RPS6KC1: variants seen among roughly 807,000 people sequenced by gnomAD.
The protein encoded by RPS6KC1 is ribosomal protein S6 kinase C1, also known as inactive ribosomal protein S6 kinase delta-1.
Under a neutral mutation model 103.8 loss-of-function variants are expected in RPS6KC1, and 54 were observed. The ratio of observed to expected loss-of-function variants is 0.52; its 90% CI spans 0.42 to 0.65. The LOEUF (loss-of-function observed/expected upper bound fraction) is 0.65. RPS6KC1 is among the 30% of genes least tolerant of loss of function. The pLI, the probability that RPS6KC1 is intolerant of heterozygous loss-of-function variation, is 0.00. For missense variants in RPS6KC1, 1,151 were observed against 1,253.8 expected, an observed-to-expected ratio of 0.92 and a Z score of 1.24; for synonymous variants, 439 against 438.7, an observed-to-expected ratio of 1.00 and a Z score of -0.01.
At chr1:213,459,506 G>T in the RPS6KC1 span, among the ~76,000 whole-genome samples, 29 of 151,730 alleles carry the variant, frequency 1.9e-4, no homozygotes, top group African/African-American at 6.8e-4. Flanking sequence ...TTTGGCTAGA[G>T]GTCTACTTTG....
At chr1:213,189,904 T>A (rs2092687960) in intron 8 of RPS6KC1, among the ~76,000 whole-genome samples, 1 of 152,192 alleles carries the variant, frequency 6.6e-6, no homozygotes, top group African/African-American at 2.4e-5. Context: ...ACATGCAAAG[T>A]TTGTCTTTTT....
At chr1:213,704,154 G>A in the RPS6KC1 span, among the ~76,000 whole-genome samples, 8 of 151,784 alleles carry the variant, frequency 5.3e-5, no homozygotes, top group African/African-American at 1.5e-4. Flanking sequence ...TTGGGAGGCC[G>A]AGGCGGGCGG....
chr1:213,260,756 CAAAAA>C (rs35685015), intron 12 of RPS6KC1, among the ~76,000 whole-genome samples: 3 of 121,680 alleles, frequency 2.5e-5, no homozygotes, highest in Admixed American at 8.6e-5. Context: ...CTAAAAGCCT[CAAAAA>C]AAAAAAAAAA....
the RPS6KC1 span, among the ~76,000 whole-genome samples, chr1:213,595,908 G>A: frequency 2.6e-5 from 4 of 152,144 alleles, no homozygotes; most frequent in African/African-American, 7.2e-5. Context: ...ATCACTAAAC[G>A]TGGCAGAATG....
chr1:213,758,982 A>G, the RPS6KC1 span, among the ~76,000 whole-genome samples: 1 of 152,222 alleles, frequency 6.6e-6, no homozygotes, highest in African/African-American at 2.4e-5. Flanking sequence ...TCCAATTTTG[A>G]CAGAAGCTCT....
intron 6 of RPS6KC1, among the ~76,000 whole-genome samples, chr1:213,165,480 G>A (rs999092818): frequency 2.0e-5 from 3 of 152,018 alleles, no homozygotes; most frequent in African/African-American, 7.3e-5. Context: ...CTGGAGTGCA[G>A]TGGCGCTATC....
chr1:213,851,930 G>A, the RPS6KC1 span, among the ~76,000 whole-genome samples: 22 of 152,192 alleles, frequency 1.4e-4, no homozygotes, highest in East Asian at 3.5e-3. Context: ...AGTCCCTGCC[G>A]CAGCTCTGAC....
At chr1:213,429,378 A>C in the RPS6KC1 span, among the ~76,000 whole-genome samples, 1 of 152,112 alleles carries the variant, frequency 6.6e-6, no homozygotes, top group East Asian at 1.9e-4. Flanking sequence ...GGTCTCTAAT[A>C]CCTGGACTCA....
At chr1:213,370,282 A>T in the RPS6KC1 span, among the ~76,000 whole-genome samples, 7 of 149,158 alleles carry the variant, frequency 4.7e-5, no homozygotes, top group Admixed American at 6.7e-5. Context: ...ATTTTATTTT[A>T]TTTTTTTTGC....
chr1:213,700,255 T>C, the RPS6KC1 span, among the ~76,000 whole-genome samples: 6 of 152,076 alleles, frequency 3.9e-5, no homozygotes, highest in Non-Finnish European at 5.9e-5. Flanking sequence ...TTTCGTTTTG[T>C]TTTTCTGCAC....
chr1:213,313,671 T>A, the RPS6KC1 span, among the ~76,000 whole-genome samples: 482 of 152,280 alleles, frequency 3.2e-3, 1 homozygote, highest in Middle Eastern at 0.014. Flanking sequence ...TGGCTTAGAA[T>A]AACAGAAACT....
the RPS6KC1 span, among the ~76,000 whole-genome samples, chr1:213,348,148 T>C: frequency 6.6e-6 from 1 of 152,158 alleles, no homozygotes; most frequent in Non-Finnish European, 1.5e-5. Flanking sequence ...GGGGAGCTTG[T>C]TGAAATGTAC....
the RPS6KC1 span, among the ~76,000 whole-genome samples, chr1:213,586,645 AT>A: frequency 1.3e-4 from 1 of 7,990 alleles, no homozygotes; most frequent in Middle Eastern, 0.05. Context: ...AAGGGCACCA[AT>A]CCTTCTAAAG....
the RPS6KC1 span, among the ~76,000 whole-genome samples, chr1:213,705,446 C>T: frequency 4.6e-5 from 7 of 152,148 alleles, no homozygotes; most frequent in Non-Finnish European, 7.3e-5. Flanking sequence ...TACCAATGTA[C>T]CCTTAAGGCC....
chr1:213,634,379 C>G, the RPS6KC1 span, among the ~76,000 whole-genome samples: 1 of 152,226 alleles, frequency 6.6e-6, no homozygotes, highest in Non-Finnish European at 1.5e-5. Context: ...AACAAACTGT[C>G]TCTCAGACCA....
the RPS6KC1 span, among the ~76,000 whole-genome samples, chr1:213,329,051 C>T: frequency 1.7e-4 from 26 of 152,192 alleles, no homozygotes; most frequent in African/African-American, 5.5e-4. Flanking sequence ...GAAGTGAAGA[C>T]GTTTTTTTCT....
chr1:213,845,340 C>T, the RPS6KC1 span, among the ~76,000 whole-genome samples: 3 of 152,040 alleles, frequency 2.0e-5, no homozygotes, highest in Non-Finnish European at 4.4e-5. Context: ...GGATCTCATC[C>T]CTTTGTTATT....
chr1:213,073,827 C>G (rs1316437431), intron 2 of RPS6KC1, among the ~76,000 whole-genome samples: 1 of 152,054 alleles, frequency 6.6e-6, no homozygotes, highest in Non-Finnish European at 1.5e-5. Context: ...AGGTGCCCAC[C>G]ACCACACCTG....
the RPS6KC1 span, among the ~76,000 whole-genome samples, chr1:213,409,476 A>G: frequency 2.0e-5 from 3 of 151,958 alleles, no homozygotes; most frequent in Non-Finnish European, 4.4e-5. Context: ...TTTGTGAGGG[A>G]GGCACAGAGG....
Sources: allele counts gnomAD v4.1 joint callset (sites outside exome capture counted in the v4.1 genomes callset), GRCh38; gene constraint gnomAD v4.1.1; transcripts MANE v1.5; gene names NCBI Gene and HGNC (gene_info 2026-07-23, HGNC 2026-07-21).